Variants in MAML3 observed in about 807,000 individuals in gnomAD.
MAML3 encodes the protein mastermind like transcriptional coactivator 3.
MAML3 carries 27 observed loss-of-function variants against 101.9 expected under a neutral mutation model. The ratio of observed to expected loss-of-function variants is 0.27; its 90% CI spans 0.20 to 0.37. The LOEUF (loss-of-function observed/expected upper bound fraction) is 0.37. MAML3 is among the 10% of genes least tolerant of loss of function. The pLI is 1.00. For synonymous variants in MAML3, 501 were observed against 555.9 expected, an observed-to-expected ratio of 0.90 and a Z score of 1.39; for missense variants, 1,316 against 1,444.9, an observed-to-expected ratio of 0.91 and a Z score of 1.45.
chr4:139,864,105 A>C (rs1397990881), intron 2 of MAML3, among the ~76,000 whole-genome samples: 1 of 152,234 alleles, frequency 6.6e-6, no homozygotes, highest in African/African-American at 2.4e-5. Context: ...CAATGACATC[A>C]CTATTGTAGC....
intron 1 of MAML3, among the ~76,000 whole-genome samples, chr4:139,902,564 C>T (rs1732748030): frequency 1.3e-5 from 2 of 152,162 alleles, no homozygotes; most frequent in African/African-American, 4.8e-5. Flanking sequence ...CAGGCACGTT[C>T]TCACATACAG....
At position 139,892,602 on chromosome 4, in the gene MAML3, CAAAA is replaced by C. The variant is rs58824343; in HGVS notation, c.469-1639_469-1636del. Among the ~76,000 whole-genome samples the C allele has an allele frequency of 5.2e-3, 729 of 140,022 alleles. 2 individuals are homozygous for C. Among genetic ancestry groups the C allele is most frequent in the Middle Eastern group, 7.3e-3 (2 of 274 alleles). 91.9% of individuals were successfully genotyped at this position (140,022 alleles called of 152,430 possible). On this transcript the variant is annotated intron_variant, in intron 1 of 4. Transcript: ENST00000509479. ...CTACTCCTTATAATGCCACATTTTC[CAAAA>C]AAAAAAAAAAAAAATAGACTGCCTT...
chr4:139,893,227 C>G (rs1406993417), intron 1 of MAML3, among the ~76,000 whole-genome samples: 1 of 152,206 alleles, frequency 6.6e-6, no homozygotes, highest in Non-Finnish European at 1.5e-5. Context: ...TCCCTCTCCT[C>G]TTCCCCTGGG....
At position 139,890,000 on chromosome 4, in the gene MAML3, G is replaced by A; in HGVS notation, c.1436C>T (p.Ala479Val). The A allele has an allele frequency of 6.2e-7, 1 of 1,611,358 alleles. No homozygotes were observed. The highest frequency in any genetic ancestry group is 2.2e-5 in the East Asian group (1 of 44,768). ...KQMAAQQQQR[A>V]KLMQQKQQQQ... ...TTGCTGTTTCTGCTGCATGAGTTTG[G>A]CCCTTTGTTGCTGCTGTGCAGCCAT... Residue 479 changes from alanine to valine, a missense_variant, in exon 2 of 5, where the codon GCC (alanine) becomes GTC (valine). Coordinates refer to ENST00000509479, the MANE Select transcript of MAML3 (RefSeq NM_018717.5).
chr4:139,900,518 T>C (rs1732697381), intron 1 of MAML3, among the ~76,000 whole-genome samples: 1 of 152,246 alleles, frequency 6.6e-6, no homozygotes, highest in Non-Finnish European at 1.5e-5. Flanking sequence ...TAAATGTTTT[T>C]ACAGGCTCCT....
rs368276039 is a variant in MAML3, at chr4:139,890,583, T to C, written c.853A>G (p.Ile285Val). The change falls in exon 2 of 5, where the codon ATA becomes GTA. Residue 285 changes from isoleucine to valine, a missense_variant. Physicochemically the swap from Ile to Val is conservative, Grantham distance 29 (BLOSUM62 3). Transcript: ENST00000509479. The surrounding 1 kb of genome is among the most constrained non-coding windows in gnomAD (Gnocchi z 4.1). The part of the protein sequence containing the change: ...KQEPLDDPTC[I>V]DTSETSLSNQ... ...GAAAGAGATGTTTCTGATGTGTCTA[T>C]GCAAGTAGGGTCATCGAGAGGTTCT... 7.4e-6 allele frequency: 12 copies of C among 1,614,052 alleles called. No individual in the cohort carries two copies. The East Asian group carries it at 1.1e-4, about 15-fold the overall frequency.
At chr4:140,068,171 A>T (rs1727571932) in intron 1 of MAML3, among the ~76,000 whole-genome samples, 1 of 152,084 alleles carries the variant, frequency 6.6e-6, no homozygotes, top group Admixed American at 6.5e-5. Flanking sequence ...ATGCAAGGAG[A>T]CATAGACCTC....
At chr4:140,125,483 GTCATCACATGACTT>G (rs1442832076) in intron 1 of MAML3, among the ~76,000 whole-genome samples, 5 of 152,148 alleles carry the variant, frequency 3.3e-5, no homozygotes, top group African/African-American at 1.2e-4. Flanking sequence ...AAATGTATTG[GTCATCACATGACTT>G]TATTCTTATT....
chr4:139,762,467 C>T (rs1033165423), intron 2 of MAML3, among the ~76,000 whole-genome samples: 9 of 152,152 alleles, frequency 5.9e-5, no homozygotes, highest in Admixed American at 2.0e-4. Context: ...AGTACCTTTG[C>T]TTTTGTGGCT....
At chr4:140,123,430 T>C (rs1728640092) in intron 1 of MAML3, among the ~76,000 whole-genome samples, 1 of 152,208 alleles carries the variant, frequency 6.6e-6, no homozygotes, top group Non-Finnish European at 1.5e-5. Flanking sequence ...TTTTTAAAGA[T>C]GTACTTTTAC....
intron 1 of MAML3, among the ~76,000 whole-genome samples, chr4:139,955,901 G>T (rs1473609235): frequency 1.3e-5 from 2 of 152,160 alleles, no homozygotes; most frequent in East Asian, 3.9e-4. Context: ...GCCCCTGAGT[G>T]CCTAGGTGGA....
chr4:140,119,713 CTG>C (rs1369632174), intron 1 of MAML3, among the ~76,000 whole-genome samples: 1 of 151,276 alleles, frequency 6.6e-6, no homozygotes, highest in African/African-American at 2.4e-5. Context: ...CCTCCAACTG[CTG>C]GGCTCAAGGG....
At chr4:139,910,556 G>T (rs1462736563) in intron 1 of MAML3, among the ~76,000 whole-genome samples, 1 of 152,224 alleles carries the variant, frequency 6.6e-6, no homozygotes, top group South Asian at 2.1e-4. Flanking sequence ...GGACAGCACA[G>T]TTGTAGAATA....
At chr4:139,790,797 G>C (rs1445414782) in intron 2 of MAML3, among the ~76,000 whole-genome samples, 2 of 152,110 alleles carry the variant, frequency 1.3e-5, no homozygotes, top group Admixed American at 1.3e-4. Flanking sequence ...CTCATCTATT[G>C]ATGGACATTT....
intron 1 of MAML3, among the ~76,000 whole-genome samples, chr4:139,929,413 A>C (rs1224370929): frequency 6.6e-6 from 1 of 152,190 alleles, no homozygotes; most frequent in Non-Finnish European, 1.5e-5. Flanking sequence ...TAAACTAGAA[A>C]TTGCCCCCAT....
chr4:139,940,031 T>A (rs1369800515), intron 1 of MAML3, among the ~76,000 whole-genome samples: 2 of 152,202 alleles, frequency 1.3e-5, no homozygotes, highest in African/African-American at 2.4e-5. Context: ...CCCAAAGTGC[T>A]GTGATTACAG....
intron 1 of MAML3, among the ~76,000 whole-genome samples, chr4:139,898,836 A>T (rs1732661822): frequency 6.6e-6 from 1 of 152,252 alleles, no homozygotes; most frequent in African/African-American, 2.4e-5. Flanking sequence ...CATGTGCTAG[A>T]TATTTTAATG....
intron 1 of MAML3, among the ~76,000 whole-genome samples, chr4:140,147,260 C>A (rs1027096952): frequency 7.2e-5 from 11 of 151,962 alleles, no homozygotes; most frequent in Non-Finnish European, 1.3e-4. Context: ...TCTTAACTTC[C>A]ATGAAACACT....
chr4:140,129,258 C>G (rs1160476966), intron 1 of MAML3, among the ~76,000 whole-genome samples: 3 of 152,116 alleles, frequency 2.0e-5, no homozygotes, highest in African/African-American at 7.2e-5. Flanking sequence ...ACCATGGAAG[C>G]CCCCTTCTAG....
Sources: gnomAD v4.1 joint callset for allele counts (sites outside exome capture counted in the v4.1 genomes callset) on GRCh38, gnomAD v4.1.1 for gene constraint, Gnocchi (gnomAD v3.1) non-coding constraint, MANE v1.5 for transcripts, NCBI Gene and HGNC (gene_info 2026-07-23, HGNC 2026-07-21) for gene names.